Variants in ABCG1 observed in about 807,000 individuals in gnomAD.
ABCG1 encodes ATP binding cassette subfamily G member 1, also known as ATP-binding cassette sub-family G member 1.
ABCG1 carries 29 observed loss-of-function variants against 69.2 expected under a neutral mutation model. The ratio of observed to expected loss-of-function variants is 0.42; its 90% CI spans 0.31 to 0.57. The LOEUF (loss-of-function observed/expected upper bound fraction) is 0.57, where lower values mean the gene tolerates loss of function less well. Among genes scored for constraint, ABCG1 ranks in the 20% least tolerant of loss-of-function variants. The pLI, the probability that ABCG1 is intolerant of heterozygous loss-of-function variation, is 0.15. For missense variants in ABCG1, 718 were observed against 898.1 expected (o/e 0.80, Z 2.56); for synonymous variants, 370 against 374.8 (o/e 0.99, Z 0.15).
At chr21:42,219,060 C>G (rs947196726), upstream of ABCG1, 2 of 292,060 alleles carry the variant, frequency 6.8e-6, no homozygotes, top group Non-Finnish European at 1.2e-5. The surrounding 1 kb of genome is among the most constrained non-coding windows in gnomAD (Gnocchi z 5.3). Flanking sequence ...CCGGCCCGCC[C>G]GCCCCCTTGG....
rs551968 is a variant in ABCG1 at position 42,283,783 on chromosome 21, A to C, written c.735-777A>C. Among the ~76,000 whole-genome samples, 72 of 13,162 alleles carry C rather than the reference A, an allele frequency of 5.5e-3. 2 individuals are homozygous for C. Among genetic ancestry groups the C allele is most frequent in the African/African-American group, 9.8e-3 (36 of 3,660 alleles). The allele number at this position is 13,162 out of a possible 152,430, so 8.6% of individuals were successfully genotyped here. On this transcript the variant is annotated intron_variant, in intron 6 of 14. Transcript: ENST00000398449. The stretch of plus-strand genomic sequence containing the variant: ...CCTGGACAGTTGTGAAGTACCCCCC[A>C]ACCCAGATGAGTGGGGACCCCCCCA...
In ABCG1 at chr21:42,276,560, CA is replaced by C. The variant is rs2068714035; in HGVS notation, c.538-333del. On this transcript the variant is annotated intron_variant, in intron 4 of 14. Coordinates refer to ENST00000398449, the MANE Select transcript of ABCG1 (RefSeq NM_016818.3). This position sits in a 1 kb window ranked among gnomAD's most constrained non-coding sequence, Gnocchi z 5.3. ...TTGTTAAAGCAGGGGCATCGGAAGC[CA>C]AGAACTCCTTGGGTTTTCCATGATG... is the stretch of plus-strand genomic sequence containing the variant. The C allele has an allele frequency of 6.4e-6, 2 of 314,710 alleles. No homozygotes were observed. The highest frequency in any genetic ancestry group is 9.4e-5 in the Admixed American group (2 of 21,380). 19.5% of individuals were successfully genotyped at this position (314,710 alleles called of 1,614,324 possible).
At chr21:42,279,079 T>A (rs2068759842) in intron 5 of ABCG1, among the ~76,000 whole-genome samples, 1 of 152,036 alleles carries the variant, frequency 6.6e-6, no homozygotes, top group South Asian at 2.1e-4. Flanking sequence ...GCCTCCCTGC[T>A]TTCATGGGGT....
At chr21:42,251,516 C>T (rs555686367) in intron 2 of ABCG1, among the ~76,000 whole-genome samples, 37 of 147,074 alleles carry the variant, frequency 2.5e-4, no homozygotes, top group Non-Finnish European at 3.6e-4. Context: ...AAAACTGGCT[C>T]GATGAGCGGG....
chr21:42,259,838 A>G (rs1445101488), intron 2 of ABCG1: 1 of 1,371,358 alleles, frequency 7.3e-7, no homozygotes, highest in African/African-American at 1.5e-5. Context: ...TGGATGGAAG[A>G]AAGGAAAAGA....
rs1472491332 is a variant in ABCG1 at position 42,262,619 on chromosome 21, G to A, written c.287-8451G>A. On this transcript the variant is annotated intron_variant, in intron 2 of 14. Coordinates refer to ENST00000398449, the MANE Select transcript of ABCG1 (RefSeq NM_016818.3). ...TGATTCAATGGGAATATGCCCACTC[G>A]GAGGAGGAGGGAGGGAGGAGGGGAA... Among the ~76,000 whole-genome samples the A allele has an allele frequency of 5.3e-5, 8 of 152,192 alleles. No individual in the cohort carries two copies. The South Asian group carries it at 8.3e-4, about 16-fold the overall frequency.
At chr21:42,259,563 G>C in intron 2 of ABCG1, 1 of 1,496,760 alleles carries the variant, frequency 6.7e-7, no homozygotes, top group Non-Finnish European at 8.9e-7. Context: ...GGCTATGGAG[G>C]CAAATCGAGT....
chr21:42,227,646 C>T (rs767558444), intron 2 of ABCG1, among the ~76,000 whole-genome samples: 5 of 152,218 alleles, frequency 3.3e-5, no homozygotes, highest in African/African-American at 4.8e-5. Context: ...CAGTGAGTAT[C>T]GCTCCCCTAC....
Position 42,287,796 on chromosome 21 carries a change from A to T in ABCG1, c.974-93A>T. On this transcript the variant is annotated intron_variant, in intron 8 of 14. Coordinates refer to ENST00000398449, the MANE Select transcript of ABCG1 (RefSeq NM_016818.3). The surrounding 1 kb of genome is among the most constrained non-coding windows in gnomAD (Gnocchi z 6.2). ...CACGCAGCATCTATGTAATCGCTTT[A>T]AAACATTCCCACTTGAATAACGACT... 7.5e-7 allele frequency: 1 copy of T among 1,337,128 alleles called. No homozygotes were observed. The allele number at this position is 1,337,128 out of a possible 1,614,324, so 82.8% of individuals were successfully genotyped here. A position where few individuals can be genotyped will look rare whatever the true frequency, so the allele number is the denominator to read the frequency against.
At chr21:42,261,571 G>A (rs574504606) in intron 2 of ABCG1, among the ~76,000 whole-genome samples, 7 of 152,204 alleles carry the variant, frequency 4.6e-5, no homozygotes, top group East Asian at 3.9e-4. Flanking sequence ...AACCCCGAGC[G>A]AGAGTCCCTC....
chr21:42,274,475 C>CT (rs57783276), intron 4 of ABCG1, among the ~76,000 whole-genome samples: 9,285 of 128,910 alleles, frequency 0.072, 572 homozygotes, highest in South Asian at 0.19. Flanking sequence ...TTTCCAGGGC[C>CT]TTTTTTTTTT....
intron 5 of ABCG1, among the ~76,000 whole-genome samples, chr21:42,278,989 G>A (rs1172023370): frequency 6.6e-6 from 1 of 152,092 alleles, no homozygotes; most frequent in Non-Finnish European, 1.5e-5. Context: ...TCCACCCGGA[G>A]ACTCAAGAAG....
upstream of ABCG1, among the ~76,000 whole-genome samples, chr21:42,214,002 A>G (rs548550819): frequency 2.9e-4 from 44 of 152,186 alleles, 1 homozygote; most frequent in Middle Eastern, 9.6e-3. Flanking sequence ...GCCGGGAACA[A>G]TTTAAGACTT....
At chr21:42,227,936 C>T (rs550431809) in intron 2 of ABCG1, among the ~76,000 whole-genome samples, 4 of 152,236 alleles carry the variant, frequency 2.6e-5, no homozygotes, top group East Asian at 1.9e-4. Flanking sequence ...ATGAGGGAAC[C>T]GCCCCCAGGA....
intron 2 of ABCG1, among the ~76,000 whole-genome samples, chr21:42,268,418 C>T (rs903349943): frequency 1.2e-4 from 18 of 150,448 alleles, no homozygotes; most frequent in African/African-American, 3.5e-4. Flanking sequence ...TCAGGAAACC[C>T]GACTACCACA....
At chr21:42,256,488 T>A in intron 2 of ABCG1, 1 of 1,550,158 alleles carries the variant, frequency 6.5e-7, no homozygotes, top group Middle Eastern at 1.7e-4. Context: ...TGGCTACAGA[T>A]GGCTGTGGCT....
chr21:42,282,502 C>A (rs573802130), intron 6 of ABCG1, 83 bp downstream of exon 6: 1 of 1,474,698 alleles, frequency 6.8e-7, no homozygotes, highest in Non-Finnish European at 9.1e-7. Context: ...ACCCTGACAT[C>A]CTGATGTAGC....
chr21:42,271,951 A>G (rs766948922), intron 3 of ABCG1, among the ~76,000 whole-genome samples: 3 of 152,220 alleles, frequency 2.0e-5, no homozygotes, highest in Non-Finnish European at 2.9e-5. Flanking sequence ...ATTGTGTCCA[A>G]TGTCATCCAT....
chr21:42,278,268 A>G (rs2068744946), intron 5 of ABCG1, among the ~76,000 whole-genome samples: 1 of 152,168 alleles, frequency 6.6e-6, no homozygotes, highest in African/African-American at 2.4e-5. Context: ...AGTGTTTTCT[A>G]AACAATGTAA....
Sources: gnomAD v4.1 joint callset for allele counts (sites outside exome capture counted in the v4.1 genomes callset) on GRCh38, gnomAD v4.1.1 for gene constraint, Gnocchi (gnomAD v3.1) non-coding constraint, MANE v1.5 for transcripts, NCBI Gene and HGNC (gene_info 2026-07-23, HGNC 2026-07-21) for gene names.